Variants in FBN2 observed in about 807,000 individuals in gnomAD.
FBN2 encodes fibrillin-2.
In FBN2, 105 loss-of-function variants were observed where a neutral mutation model predicts 355.6. That is an observed-to-expected ratio of 0.30 (90% CI 0.25 to 0.35). FBN2 has a LOEUF of 0.35. FBN2 is among the 10% of genes least tolerant of loss of function. The probability of loss-of-function intolerance (pLI) is 1.00; values close to 1 mark genes in which losing one functional copy is unlikely to be tolerated. For missense variants in FBN2, 3,280 were observed against 3,758.7 expected (o/e 0.87, Z 3.33); for synonymous variants, 1,350 against 1,301.2 (o/e 1.04, Z -0.81).
chr5:128,300,632 A>C (rs992168848), intron 48 of FBN2, among the ~76,000 whole-genome samples, 185 bp downstream of exon 48: 7 of 152,214 alleles, frequency 4.6e-5, no homozygotes, highest in Non-Finnish European at 1.0e-4. Context: ...AAAATCCTAC[A>C]TCCCTAAGTT....
At chr5:128,449,011 T>A (rs1754150462) in intron 6 of FBN2, among the ~76,000 whole-genome samples, 1 of 151,936 alleles carries the variant, frequency 6.6e-6, no homozygotes, top group South Asian at 2.1e-4. Flanking sequence ...AAAAGGAAGC[T>A]CTTCAGGTAA....
intron 7 of FBN2, among the ~76,000 whole-genome samples, chr5:128,434,327 T>C (rs972349964): frequency 2.7e-4 from 39 of 146,118 alleles, no homozygotes; most frequent in Non-Finnish European, 4.0e-4. Context: ...CTAAAAGAAA[T>C]GGCAGCCCAT....
chr5:128,469,086 A>AG (rs1207034720), intron 5 of FBN2, among the ~76,000 whole-genome samples: 1 of 152,138 alleles, frequency 6.6e-6, no homozygotes, highest in Non-Finnish European at 1.5e-5. Flanking sequence ...TGTAACAGTG[A>AG]GGGGAAAAAA....
chr5:128,280,083 T>C, intron 56 of FBN2, 109 bp downstream of exon 56: 1 of 863,168 alleles, frequency 1.2e-6, no homozygotes, highest in South Asian at 1.4e-5. Flanking sequence ...ATTATTGAGA[T>C]TGGGGGATTT....
Position 128,311,387 on chromosome 5 carries a change from C to T in FBN2, c.4987G>A (p.Gly1663Ser), listed in dbSNP as rs1456714118. 1 of 1,614,056 alleles carries T rather than the reference C, an allele frequency of 6.2e-7. No homozygotes were observed. Among genetic ancestry groups the T allele is most frequent in the Admixed American group, 1.7e-5 (1 of 60,008 alleles). Reference protein sequence around the residue: ...ECQELPGLCQGGNCINTFGSF... With the variant: ...ECQELPGLCQSGNCINTFGSF... ...CCAAAAGTGTTGATGCAGTTTCCACCCTGGCAGAGACCTGGTAACTCCTGG... is the reference window on the plus strand; with the variant it reads ...CCAAAAGTGTTGATGCAGTTTCCACTCTGGCAGAGACCTGGTAACTCCTGG... Residue 1663 changes from glycine to serine, a missense_variant, in exon 39 of 65, where the codon GGT becomes AGT. Gly to Ser is a moderately conservative substitution (Grantham distance 56). Transcript: ENST00000262464.
intron 27 of FBN2, 113 bp downstream of exon 27, chr5:128,337,884 C>T: frequency 2.5e-6 from 3 of 1,183,754 alleles, no homozygotes; most frequent in Non-Finnish European, 3.7e-6. Flanking sequence ...TCAATTTCCA[C>T]CTTTTAATAA....
At chr5:128,476,684 G>C (rs976883373) in intron 5 of FBN2, among the ~76,000 whole-genome samples, 1 of 151,812 alleles carries the variant, frequency 6.6e-6, no homozygotes, top group Non-Finnish European at 1.5e-5. Flanking sequence ...AAATAAATAA[G>C]AACATAATCA....
chr5:128,403,163 T>G (rs1238857412), intron 8 of FBN2, among the ~76,000 whole-genome samples: 1 of 152,080 alleles, frequency 6.6e-6, no homozygotes, highest in African/African-American at 2.4e-5. Flanking sequence ...CATAAATAAT[T>G]CTGTACCTTG....
At chr5:128,373,911 T>C (rs561033800) in intron 15 of FBN2, among the ~76,000 whole-genome samples, 20 of 152,326 alleles carry the variant, frequency 1.3e-4, no homozygotes, top group Non-Finnish European at 1.9e-4. Context: ...CTGCAGCTAG[T>C]TGCATGGTGA....
chr5:128,477,860 G>A (rs1343499722), intron 5 of FBN2, among the ~76,000 whole-genome samples: 1 of 152,170 alleles, frequency 6.6e-6, no homozygotes, highest in East Asian at 1.9e-4. Context: ...TGCACTGAAT[G>A]AAATGCCTTT....
intron 36 of FBN2, among the ~76,000 whole-genome samples, chr5:128,316,506 G>A (rs1171111139): frequency 6.6e-6 from 1 of 152,012 alleles, no homozygotes; most frequent in Non-Finnish European, 1.5e-5. Context: ...CATACAAATC[G>A]AATTGCTTCA....
At chr5:128,388,126 G>A (rs1440613314) in intron 11 of FBN2, among the ~76,000 whole-genome samples, 1 of 152,014 alleles carries the variant, frequency 6.6e-6, no homozygotes, top group Admixed American at 6.6e-5. Flanking sequence ...ATCATTGTTG[G>A]TTTAAAGTCT....
rs1348228041 is a variant in FBN2 at position 128,537,840 on chromosome 5, G to A, written c.-237C>T. The A allele has an allele frequency of 1.7e-5, 10 of 595,836 alleles. No individual in the cohort carries two copies. Among genetic ancestry groups the A allele is most frequent in the African/African-American group, 3.8e-5 (2 of 53,314 alleles). 36.9% of individuals were successfully genotyped at this position (595,836 alleles called of 1,614,324 possible). ...GCGCAGTGAGCGGCGAGGCGCGGCG[G>A]AGGTGCAGCCGGCAGCCCCGAGCGG... On this transcript the variant is annotated 5_prime_UTR_variant, in exon 1 of 65. Transcript: ENST00000262464.
chr5:128,393,515 G>A, intron 9 of FBN2, 147 bp from the exon 10 acceptor site: 1 of 656,700 alleles, frequency 1.5e-6, no homozygotes. Flanking sequence ...TGTTTTTAAT[G>A]CTGGCAGTAG....
chr5:128,284,649 C>T (rs184044497), intron 55 of FBN2, among the ~76,000 whole-genome samples: 2 of 152,278 alleles, frequency 1.3e-5, no homozygotes, highest in East Asian at 3.9e-4. Flanking sequence ...ATGCTCTCTA[C>T]CCTTGAGGCA....
At position 128,392,049 on chromosome 5, in the gene FBN2, A is replaced by G. The variant is rs766094298; in HGVS notation, c.1572T>C (p.Gly524=). The G allele has an allele frequency of 6.2e-7, 1 of 1,613,894 alleles. No individual in the cohort carries two copies. The highest frequency in any genetic ancestry group is 2.2e-5 in the East Asian group (1 of 44,828). The change falls in exon 11 of 65, where the codon GGT becomes GGC. Residue 524 remains glycine, a synonymous_variant. Transcript: ENST00000262464. The part of the protein sequence containing the change: ...VSSYRCECNM[G]YKQDANGDCI... ...AATCTCCATTTGCATCCTGCTTATA[A>G]CCCATGTTGCATTCACATCGGTAGC...
intron 55 of FBN2, among the ~76,000 whole-genome samples, chr5:128,283,880 C>A (rs982588643): frequency 8.5e-5 from 13 of 152,168 alleles, no homozygotes; most frequent in African/African-American, 3.1e-4. Context: ...TTTAGTCACT[C>A]AAGCAAAAAT....
intron 7 of FBN2, among the ~76,000 whole-genome samples, chr5:128,415,114 G>A (rs903900794): frequency 1.3e-5 from 2 of 152,044 alleles, no homozygotes; most frequent in Admixed American, 6.6e-5. Context: ...TGGGACACAT[G>A]GCATTTAGTT....
intron 5 of FBN2, among the ~76,000 whole-genome samples, chr5:128,467,188 G>A (rs1754737226): frequency 6.6e-6 from 1 of 152,048 alleles, no homozygotes. Context: ...CGTCTCTGTG[G>A]AGAAGGGGAA....
Sources: gnomAD v4.1 joint callset for allele counts (sites outside exome capture counted in the v4.1 genomes callset) on GRCh38, gnomAD v4.1.1 for gene constraint, MANE v1.5 for transcripts, NCBI Gene and HGNC (gene_info 2026-07-23, HGNC 2026-07-21) for gene names.